ARHGAP39: variants seen among roughly 807,000 people sequenced by gnomAD.
ARHGAP39 encodes the protein Rho GTPase activating protein 39.
A neutral mutation model predicts 106.9 loss-of-function variants in ARHGAP39; 44 were observed. That is an observed-to-expected ratio of 0.41 (90% CI 0.32 to 0.53). The LOEUF is 0.53. Ranked by LOEUF, ARHGAP39 falls within the 20% of genes least tolerant of loss-of-function variation. ARHGAP39 has a pLI of 0.21. For missense variants in ARHGAP39, 1,496 were observed against 1,577.3 expected (o/e 0.95, Z 0.87); for synonymous variants, 768 against 693.2 (o/e 1.11, Z -1.69).
chr8:144,551,543 A>C (rs1030715730), intron 4 of ARHGAP39, among the ~76,000 whole-genome samples: 4 of 152,162 alleles, frequency 2.6e-5, no homozygotes, highest in Admixed American at 2.0e-4. Context: ...GCACAGATAC[A>C]GTGGCAGCTA....
At chr8:144,693,058 C>CTTT in the ARHGAP39 span, among the ~76,000 whole-genome samples, 18 of 86,810 alleles carry the variant, frequency 2.1e-4, no homozygotes, top group African/African-American at 3.2e-4. Flanking sequence ...TGCGCCCGGC[C>CTTT]TTTTTTTTTT....
intron 1 of ARHGAP39, among the ~76,000 whole-genome samples, chr8:144,630,875 G>C (rs962745772): frequency 1.3e-5 from 2 of 152,280 alleles, no homozygotes; most frequent in African/African-American, 4.8e-5. Flanking sequence ...ATCTGTAATA[G>C]GCCATTCTTG....
intron 1 of ARHGAP39, among the ~76,000 whole-genome samples, chr8:144,655,513 T>C (rs187636425): frequency 1.7e-3 from 262 of 152,062 alleles, no homozygotes; most frequent in African/African-American, 6.0e-3. Flanking sequence ...CTCCAGGGCC[T>C]CCTCTCTGCT....
chr8:144,627,011 C>T (rs573972311), intron 1 of ARHGAP39, among the ~76,000 whole-genome samples: 114 of 152,298 alleles, frequency 7.5e-4, no homozygotes, highest in Middle Eastern at 3.4e-3. Context: ...AGGATCCCCC[C>T]GCAAAAACAC....
chr8:144,695,996 G>A, the ARHGAP39 span, among the ~76,000 whole-genome samples: 1 of 152,088 alleles, frequency 6.6e-6, no homozygotes, highest in African/African-American at 2.4e-5. Context: ...CAATTCAGGT[G>A]GAACCAAGGC....
At chr8:144,660,556 T>C (rs1305024937) in intron 1 of ARHGAP39, among the ~76,000 whole-genome samples, 1 of 152,210 alleles carries the variant, frequency 6.6e-6, no homozygotes, top group African/African-American at 2.4e-5. Context: ...TTGCAAGCCA[T>C]GATTCCGTGC....
rs1821467049 is a variant in ARHGAP39 at position 144,647,262 on chromosome 8, C to T, written c.-82+38424G>A. On this transcript the variant is annotated intron_variant, in intron 1 of 11. Transcript: ENST00000377307. This position sits in a 1 kb window ranked among gnomAD's most constrained non-coding sequence, Gnocchi z 4.8. ...GATTACAGCCGTGAGCCACTGCGCC[C>T]GGCCTGCTCTGACCCTTCTTAAAGC... is the stretch of plus-strand genomic sequence containing the variant. Among the ~76,000 whole-genome samples the T allele has an allele frequency of 1.3e-5, 2 of 152,164 alleles. No individual in the cohort carries two copies. The highest frequency in any genetic ancestry group is 4.8e-5 in the African/African-American group (2 of 41,442).
chr8:144,627,171 A>G (rs1168234461), intron 1 of ARHGAP39, among the ~76,000 whole-genome samples: 1 of 152,238 alleles, frequency 6.6e-6, no homozygotes, highest in African/African-American at 2.4e-5. Flanking sequence ...CAGTGTCTGC[A>G]GCTGCCAGGG....
chr8:144,597,150 C>T (rs968243652), intron 2 of ARHGAP39, among the ~76,000 whole-genome samples: 1 of 152,200 alleles, frequency 6.6e-6, no homozygotes, highest in Non-Finnish European at 1.5e-5. Context: ...AGGAGGGCGA[C>T]CAGAACCCTA....
intron 6 of ARHGAP39, among the ~76,000 whole-genome samples, chr8:144,540,749 G>C (rs1477552486): frequency 6.6e-6 from 1 of 152,168 alleles, no homozygotes; most frequent in African/African-American, 2.4e-5. Context: ...ACAGTGAGCA[G>C]TGACGTCACC....
chr8:144,637,793 T>C (rs2130984991), intron 1 of ARHGAP39, among the ~76,000 whole-genome samples: 1 of 152,034 alleles, frequency 6.6e-6, no homozygotes, highest in African/African-American at 2.4e-5. Context: ...CTCAAACTCC[T>C]GGGCTCAAGT....
intron 4 of ARHGAP39, 71 bp downstream of exon 4, chr8:144,555,489 T>G: frequency 7.5e-7 from 1 of 1,328,432 alleles, no homozygotes; most frequent in South Asian, 1.2e-5. Context: ...ACCTCCCACT[T>G]GCAGTTAGCC....
chr8:144,698,439 G>A, the ARHGAP39 span, among the ~76,000 whole-genome samples: 1 of 152,170 alleles, frequency 6.6e-6, no homozygotes, highest in South Asian at 2.1e-4. Flanking sequence ...CTTACAGACA[G>A]AAGGCTTCGT....
chr8:144,545,911 C>A, intron 5 of ARHGAP39, 101 bp from the exon 6 acceptor site: 1 of 1,033,416 alleles, frequency 9.7e-7, no homozygotes, highest in African/African-American at 1.6e-5. Context: ...GGGGCCCCAC[C>A]AGAGCCAGCC....
At chr8:144,623,528 G>A (rs1389895608) in intron 1 of ARHGAP39, among the ~76,000 whole-genome samples, 4 of 152,210 alleles carry the variant, frequency 2.6e-5, no homozygotes, top group Admixed American at 2.0e-4. Context: ...CAAGGCTTCC[G>A]CGACTGGCGA....
In ARHGAP39 at chr8:144,586,826, G is replaced by C. The variant is rs1819199986; in HGVS notation, c.81-5549C>G. 1.3e-5 allele frequency among the ~76,000 whole-genome samples: 2 copies of C among 152,212 alleles called. No homozygotes were observed. The highest frequency in any genetic ancestry group is 2.9e-5 in the Non-Finnish European group (2 of 68,036). ...CTGCTCTGCAGGACAGCAGCCATCAGCAACCCTACATGGCTGCACGCCCAT... is the reference window on the plus strand; with the variant it reads ...CTGCTCTGCAGGACAGCAGCCATCACCAACCCTACATGGCTGCACGCCCAT... On this transcript the variant is annotated intron_variant, in intron 2 of 11. Transcript: ENST00000377307. This position sits in a 1 kb window ranked among gnomAD's most constrained non-coding sequence, Gnocchi z 4.2.
At chr8:144,610,856 AC>A (rs1208421206) in intron 1 of ARHGAP39, among the ~76,000 whole-genome samples, 3 of 151,962 alleles carry the variant, frequency 2.0e-5, no homozygotes, top group Non-Finnish European at 2.9e-5. Context: ...TCACTCTGTC[AC>A]CCAGGCTGGA....
At position 144,532,302 on chromosome 8, in the gene ARHGAP39, C is replaced by A. The variant is rs750159928; in HGVS notation, c.2980+3G>T. The A allele has an allele frequency of 3.7e-6, 6 of 1,612,422 alleles. 1 individual carries two copies. The South Asian group carries it at 6.6e-5, about 18-fold the overall frequency. Reference sequence around the variant, plus strand: ...TCTGCTGCAGCGTGTGTGGGGGACTCACCAGGGACGTGGGGGTCTTCCAGG... The same window carrying A: ...TCTGCTGCAGCGTGTGTGGGGGACTAACCAGGGACGTGGGGGTCTTCCAGG... On this transcript the variant is annotated splice_donor_region_variant and intron_variant, in intron 10 of 11. Transcript: ENST00000377307.
Position 144,548,332 on chromosome 8 carries a change from G to T in ARHGAP39, c.754C>A (p.Pro252Thr). Residue 252 changes from proline to threonine, a missense_variant, in exon 5 of 12, where the codon CCC becomes ACC. Pro to Thr is a conservative substitution (Grantham distance 38). Transcript: ENST00000377307. The surrounding 1 kb of genome is among the most constrained non-coding windows in gnomAD (Gnocchi z 7.4). ...SRRPSGSQHS[P>T]SLQTFAPEAD... ...TCCGGGGCGAAGGTCTGCAGGCTGG[G>T]TGAGTGCTGGCTGCCGGAGGGTCTG... 1.9e-6 allele frequency: 3 copies of T among 1,607,904 alleles called. No individual in the cohort carries two copies. Among genetic ancestry groups the T allele is most frequent in the Non-Finnish European group, 2.5e-6 (3 of 1,176,594 alleles).
Sources: allele counts gnomAD v4.1 joint callset (sites outside exome capture counted in the v4.1 genomes callset), GRCh38; gene constraint gnomAD v4.1.1; non-coding constraint Gnocchi (gnomAD v3.1); transcripts MANE v1.5; gene names NCBI Gene and HGNC (gene_info 2026-07-23, HGNC 2026-07-21).